GNAS: variants seen among roughly 807,000 people sequenced by gnomAD.
The protein encoded by GNAS is protein ALEX.
GNAS carries 8 observed loss-of-function variants against 54.5 expected under a neutral mutation model. The ratio of observed to expected loss-of-function variants is 0.15; its 90% CI spans 0.09 to 0.26. GNAS has a LOEUF of 0.26. GNAS is among the 10% of genes least tolerant of loss of function. The pLI is 1.00. For synonymous variants in GNAS, 204 were observed against 191.4 expected, an observed-to-expected ratio of 1.07 and a Z score of -0.54; for missense variants, 170 against 529.8, an observed-to-expected ratio of 0.32 and a Z score of 6.67.
upstream of GNAS, chr20:58,891,403 G>GGCGGCGGCA (rs1352426622): frequency 2.6e-4 from 70 of 273,258 alleles, no homozygotes; most frequent in Admixed American, 8.1e-4. Flanking sequence ...TAAGAGCGGC[G>GGCGGCGGCA]GCGGCGGCAG....
chr20:58,855,680 C>T (rs1189261693), intron 1 of GNAS: 3 of 683,840 alleles, frequency 4.4e-6, no homozygotes, highest in East Asian at 5.4e-5. Context: ...GCCCCGGGGC[C>T]CCGGGACTCC....
At position 58,907,453 on chromosome 20, in the gene GNAS, A is replaced by G. The variant is rs184017380; in HGVS notation, c.531-1709A>G. On this transcript the variant is annotated intron_variant, in intron 6 of 12. Coordinates refer to ENST00000371085, the MANE Select transcript of GNAS (RefSeq NM_000516.7). ...AAATGGAAATCCTGGAATTGTTTGC[A>G]TTTTGTATTTTGGATCCAAGTCAGA... Among the ~76,000 whole-genome samples the G allele has an allele frequency of 3.0e-3, 463 of 152,302 alleles. 2 individuals carry two copies. Among genetic ancestry groups the G allele is most frequent in the African/African-American group, 0.01 (436 of 41,560 alleles).
intron 6 of GNAS, among the ~76,000 whole-genome samples, chr20:58,906,254 C>G (rs1185705539): frequency 6.6e-6 from 1 of 152,186 alleles, no homozygotes; most frequent in Non-Finnish European, 1.5e-5. Context: ...GTGGGCTCAC[C>G]TGGTTGGTGT....
At chr20:58,896,217 T>C (rs1358883687) in intron 2 of GNAS, among the ~76,000 whole-genome samples, 4 of 122,116 alleles carry the variant, frequency 3.3e-5, no homozygotes, top group Non-Finnish European at 5.2e-5. Context: ...AGCCCGTGTT[T>C]ACAGTTTCTC....
At chr20:58,895,562 A>G in intron 1 of GNAS, 50 bp from the exon 2 acceptor site, 1 of 1,110,264 alleles carries the variant, frequency 9.0e-7, no homozygotes, top group Non-Finnish European at 1.4e-6. Flanking sequence ...TCCCTGCCCA[A>G]AGTGTTAAAA....
upstream of GNAS, chr20:58,840,664 G>C: frequency 6.2e-7 from 1 of 1,605,356 alleles, no homozygotes; most frequent in Non-Finnish European, 8.5e-7. The surrounding 1 kb of genome is among the most constrained non-coding windows in gnomAD (Gnocchi z 6.0). Flanking sequence ...AGGAGCCCCA[G>C]AGCCCCAGGG....
At chr20:58,877,171 G>A (rs2087878635) in intron 1 of GNAS, among the ~76,000 whole-genome samples, 1 of 151,620 alleles carries the variant, frequency 6.6e-6, no homozygotes, top group South Asian at 2.1e-4. Flanking sequence ...GGTTTTTACA[G>A]AGGAGGCTCG....
At chr20:58,852,423 C>T (rs184740047) in intron 1 of GNAS, among the ~76,000 whole-genome samples, 1 of 152,366 alleles carries the variant, frequency 6.6e-6, no homozygotes, top group East Asian at 1.9e-4. Context: ...CTCACGACCA[C>T]CTGTCGCATC....
intron 1 of GNAS, among the ~76,000 whole-genome samples, chr20:58,894,100 T>C (rs917738605): frequency 3.3e-5 from 5 of 152,212 alleles, no homozygotes; most frequent in Admixed American, 1.3e-4. Context: ...CAAATCCTCT[T>C]TTTACTCCAT....
chr20:58,859,714 C>A (rs2086683760), intron 1 of GNAS, among the ~76,000 whole-genome samples: 1 of 151,730 alleles, frequency 6.6e-6, no homozygotes, highest in South Asian at 2.1e-4. Flanking sequence ...ACAACCTCTG[C>A]CTCCTGGGTT....
rs2089302114 is a variant in GNAS at position 58,891,487 on chromosome 20, C to T, written c.-240C>T. On this transcript the variant is annotated 5_prime_UTR_variant, in exon 1 of 13. Coordinates refer to ENST00000371085, the MANE Select transcript of GNAS (RefSeq NM_000516.7). ...CGGCGGCCATCAGCCCCCTCGGCCT[C>T]GGCTCGAGGGGCGGGGAGCTGCGCG... 12 of 958,950 alleles carry T rather than the reference C, an allele frequency of 1.3e-5. No individual in the cohort carries two copies. The highest frequency in any genetic ancestry group is 1.2e-5 in the Non-Finnish European group (10 of 808,236). The allele number at this position is 958,950 out of a possible 1,614,324, so 59.4% of individuals were successfully genotyped here. A position where few individuals can be genotyped will look rare whatever the true frequency, so the allele number is the denominator to read the frequency against.
At chr20:58,848,796 G>A (rs1009759137) in intron 1 of GNAS, 5 of 398,050 alleles carry the variant, frequency 1.3e-5, no homozygotes, top group Middle Eastern at 6.2e-4. Flanking sequence ...GGTGCCACAG[G>A]TGGGTCAACT....
In GNAS at chr20:58,910,674, T is replaced by G. The variant is rs769246921; in HGVS notation, c.1039-9T>G. 6.2e-7 allele frequency: 1 copy of G among 1,614,096 alleles called. No individual in the cohort carries two copies. The highest frequency in any genetic ancestry group is 1.7e-5 in the Admixed American group (1 of 60,020). ...TGTCACTGACAAGTCCCCTTGTTTG[T>G]GCCCGCAGAGGATCAGCACTGCCAG... On this transcript the variant is annotated splice_polypyrimidine_tract_variant and intron_variant, in intron 12 of 12. Transcript: ENST00000371085. The surrounding 1 kb of genome is among the most constrained non-coding windows in gnomAD (Gnocchi z 5.8).
rs1289594947 is a variant in GNAS at position 58,891,557 on chromosome 20, GCGCCCCGCGGCCCGCGGCCCGCAGTC to G, written c.-160_-135del. ...CACCCTCCCCTTCCCGCCCGTCCGC[GCGCCCCGCGGCCCGCGGCCCGCAGTC>G]CGCCCCGCGCGCTCCTTGCCGAGGA... On this transcript the variant is annotated 5_prime_UTR_variant, in exon 1 of 13. Transcript: ENST00000371085. 4 of 972,180 alleles carry G rather than the reference GCGCCCCGCGGCCCGCGGCCCGCAGTC, an allele frequency of 4.1e-6. No individual in the cohort carries two copies. Among genetic ancestry groups the G allele is most frequent in the South Asian group, 9.3e-5 (2 of 21,558 alleles). The allele number at this position is 972,180 out of a possible 1,614,324, so 60.2% of individuals were successfully genotyped here.
intron 1 of GNAS, chr20:58,855,064 G>T (rs754892188): frequency 3.7e-6 from 6 of 1,613,176 alleles, no homozygotes; most frequent in African/African-American, 1.3e-5. Context: ...AATCGCCGCC[G>T]CCGAAAGCCC....
chr20:58,881,562 C>T (rs542348926), intron 1 of GNAS, among the ~76,000 whole-genome samples: 2 of 152,292 alleles, frequency 1.3e-5, no homozygotes, highest in East Asian at 3.9e-4. Context: ...GAGTTCCCCT[C>T]TTACTACATG....
chr20:58,874,219 G>A (rs981910420), intron 1 of GNAS, among the ~76,000 whole-genome samples: 7 of 152,232 alleles, frequency 4.6e-5, no homozygotes, highest in Non-Finnish European at 8.8e-5. Context: ...ACAGCCCAGA[G>A]GGTTACTGGC....
intron 1 of GNAS, among the ~76,000 whole-genome samples, chr20:58,865,429 T>C (rs1600772215): frequency 2.0e-5 from 3 of 147,138 alleles, no homozygotes; most frequent in Non-Finnish European, 4.5e-5. Context: ...AAAAAATATA[T>C]ATATACACAT....
chr20:58,888,990 C>G, upstream of GNAS: 1 of 877,964 alleles, frequency 1.1e-6, no homozygotes. Context: ...CCCCGGCCCA[C>G]GCCCGCGCGG....
Sources: allele counts gnomAD v4.1 joint callset (sites outside exome capture counted in the v4.1 genomes callset), GRCh38; gene constraint gnomAD v4.1.1; non-coding constraint Gnocchi (gnomAD v3.1); transcripts MANE v1.5; gene names NCBI Gene and HGNC (gene_info 2026-07-23, HGNC 2026-07-21).